The following AOPEP variants were observed in gnomAD, a reference collection of about 807,000 sequenced individuals.
The protein encoded by AOPEP is aminopeptidase O (putative).
Under a neutral mutation model 98.1 loss-of-function variants are expected in AOPEP, and 77 were observed. That is an observed-to-expected ratio of 0.78 (90% confidence interval 0.65 to 0.95). The LOEUF is 0.95. Among genes scored for constraint, AOPEP ranks in the 40% least tolerant of loss-of-function variants. The pLI, the probability that AOPEP is intolerant of heterozygous loss-of-function variation, is 0.00. For synonymous variants in AOPEP, 346 were observed against 365.3 expected (o/e 0.95, Z 0.60); for missense variants, 1,024 against 1,024.7 (o/e 1.00, Z 0.01).
chr9:95,056,773 A>T (rs1044601511), intron 13 of AOPEP, among the ~76,000 whole-genome samples: 22 of 152,308 alleles, frequency 1.4e-4, no homozygotes, highest in African/African-American at 5.1e-4. Context: ...CAACTATGAG[A>T]TCTTCCATGT....
chr9:94,793,189 C>T (rs1846122065), intron 4 of AOPEP, among the ~76,000 whole-genome samples: 1 of 150,808 alleles, frequency 6.6e-6, no homozygotes, highest in Admixed American at 6.6e-5. Context: ...CATGGTGAAA[C>T]CCCCGTCTCT....
intron 5 of AOPEP, among the ~76,000 whole-genome samples, chr9:94,906,485 A>AATAATAAT (rs1488133280): frequency 0.024 from 1,315 of 53,826 alleles, 29 homozygotes; most frequent in African/African-American, 0.055. Flanking sequence ...ATAATAATAA[A>AATAATAAT]AAAACAGACC....
chr9:95,113,502 G>A, the AOPEP span, among the ~76,000 whole-genome samples: 1 of 151,882 alleles, frequency 6.6e-6, no homozygotes, highest in East Asian at 1.9e-4. Flanking sequence ...CTACTGTTAA[G>A]AAATTAACAA....
chr9:94,993,029 G>A (rs2060994554), intron 11 of AOPEP, among the ~76,000 whole-genome samples: 1 of 152,156 alleles, frequency 6.6e-6, no homozygotes, highest in Non-Finnish European at 1.5e-5. Context: ...ATGATTGAGA[G>A]AACTGAGTAA....
intron 5 of AOPEP, among the ~76,000 whole-genome samples, chr9:94,881,481 C>T (rs904864514): frequency 2.0e-5 from 3 of 152,088 alleles, no homozygotes; most frequent in Non-Finnish European, 4.4e-5. Flanking sequence ...TGGTCTCAGC[C>T]CCTGTAACTG....
chr9:95,027,500 T>C (rs1587676232), intron 13 of AOPEP, among the ~76,000 whole-genome samples: 3 of 152,322 alleles, frequency 2.0e-5, no homozygotes, highest in Middle Eastern at 6.8e-3. Context: ...TATTTTGAAT[T>C]CTTTTTTTTA....
chr9:95,073,400 C>T (rs2068699745), intron 14 of AOPEP, among the ~76,000 whole-genome samples: 1 of 151,854 alleles, frequency 6.6e-6, no homozygotes, highest in Non-Finnish European at 1.5e-5. Context: ...GTCCGGGAGT[C>T]AAGACACAGT....
At chr9:95,140,214 G>T in the AOPEP span, among the ~76,000 whole-genome samples, 1 of 151,894 alleles carries the variant, frequency 6.6e-6, no homozygotes, top group Non-Finnish European at 1.5e-5. Flanking sequence ...TTCCAGTCAG[G>T]GCTCCACCTA....
chr9:94,851,754 C>T (rs919321973), intron 5 of AOPEP, among the ~76,000 whole-genome samples: 1 of 148,016 alleles, frequency 6.8e-6, no homozygotes, highest in Admixed American at 6.8e-5. Context: ...GCTAAATTAA[C>T]CTAGATGTGG....
intron 11 of AOPEP, among the ~76,000 whole-genome samples, chr9:94,983,004 G>A (rs2060286534): frequency 6.6e-6 from 1 of 151,820 alleles, no homozygotes; most frequent in South Asian, 2.1e-4. Flanking sequence ...ACAGAACTGC[G>A]CTTTTGTTTT....
At chr9:95,110,960 G>C in the AOPEP span, 1 of 1,397,816 alleles carries the variant, frequency 7.2e-7, no homozygotes. Flanking sequence ...AATATCATCT[G>C]ATTACTTTAG....
chr9:94,976,784 A>G (rs2059875359), intron 10 of AOPEP, among the ~76,000 whole-genome samples: 1 of 151,410 alleles, frequency 6.6e-6, no homozygotes, highest in South Asian at 2.1e-4. Context: ...CTCCCACCTC[A>G]GCCTCCCAAA....
the AOPEP span, chr9:95,109,489 T>C: frequency 6.6e-6 from 1 of 152,188 alleles, no homozygotes; most frequent in Non-Finnish European, 1.5e-5. Flanking sequence ...TGTACCTTAC[T>C]GATTCTTAAG....
chr9:94,958,845 G>A (rs992652627), intron 9 of AOPEP, among the ~76,000 whole-genome samples: 9 of 151,850 alleles, frequency 5.9e-5, no homozygotes, highest in African/African-American at 2.2e-4. Flanking sequence ...CTCTCTTGAT[G>A]GTGTCCTTTA....
intron 1 of AOPEP, among the ~76,000 whole-genome samples, chr9:94,742,298 T>A (rs1429421653): frequency 6.6e-6 from 1 of 152,134 alleles, no homozygotes; most frequent in African/African-American, 2.4e-5. Flanking sequence ...AGCAGACCAG[T>A]GGGGTGCCCT....
At chr9:95,149,485 T>C in the AOPEP span, among the ~76,000 whole-genome samples, 1 of 151,992 alleles carries the variant, frequency 6.6e-6, no homozygotes, top group Non-Finnish European at 1.5e-5. Flanking sequence ...CTCAGTAATT[T>C]TTTTTTTTTT....
intron 5 of AOPEP, among the ~76,000 whole-genome samples, chr9:94,854,292 G>T (rs2043918979): frequency 6.6e-6 from 1 of 152,162 alleles, no homozygotes; most frequent in Non-Finnish European, 1.5e-5. Flanking sequence ...AAGAAAATGG[G>T]CAGCAAGTCA....
intron 5 of AOPEP, among the ~76,000 whole-genome samples, chr9:94,873,405 C>T (rs1470879353): frequency 6.6e-6 from 1 of 152,196 alleles, no homozygotes; most frequent in East Asian, 1.9e-4. Flanking sequence ...TTGGAATTAA[C>T]AAATATGTGG....
the AOPEP span, among the ~76,000 whole-genome samples, chr9:95,136,855 T>C: frequency 2.0e-5 from 3 of 152,302 alleles, no homozygotes; most frequent in Admixed American, 2.0e-4. Context: ...TGTCAGTGAA[T>C]TGGGGCTCCA....
Sources: allele counts gnomAD v4.1 joint callset (sites outside exome capture counted in the v4.1 genomes callset), GRCh38; gene constraint gnomAD v4.1.1; transcripts MANE v1.5; gene names NCBI Gene and HGNC (gene_info 2026-07-23, HGNC 2026-07-21).